Variants in MINAR2 observed in about 807,000 individuals in gnomAD.
MINAR2 encodes membrane integral NOTCH2 associated receptor 2, also known as major intrinsically disordered NOTCH2-binding receptor 1-like.
Under a neutral mutation model 16.1 loss-of-function variants are expected in MINAR2, and 21 were observed. That is an observed-to-expected ratio of 1.31 (90% CI 0.93 to 1.88). The LOEUF is 1.88. Ranked by LOEUF, MINAR2 falls within the 40% of genes most tolerant of loss-of-function variation. MINAR2 has a pLI of 0.00. For synonymous variants in MINAR2, 86 were observed against 83.0 expected (o/e 1.04, Z -0.20); for missense variants, 259 against 229.8 (o/e 1.13, Z -0.82).
intron 1 of MINAR2, among the ~76,000 whole-genome samples, chr5:129,754,696 G>T (rs898476856): frequency 6.6e-6 from 1 of 152,064 alleles, no homozygotes; most frequent in East Asian, 1.9e-4. Context: ...TTATAATAGA[G>T]CATTACTCAT....
At chr5:129,749,386 T>A (rs1012704836) in intron 1 of MINAR2, among the ~76,000 whole-genome samples, 7 of 152,164 alleles carry the variant, frequency 4.6e-5, no homozygotes, top group Admixed American at 2.6e-4. Context: ...CAAAATCAAG[T>A]ACACTCAAAT....
intron 1 of MINAR2, among the ~76,000 whole-genome samples, chr5:129,750,656 T>G (rs1757974942): frequency 6.6e-6 from 1 of 152,130 alleles, no homozygotes; most frequent in Non-Finnish European, 1.5e-5. Flanking sequence ...AGAATATGTA[T>G]GGAAGTATGT....
At chr5:129,760,707 G>A (rs550435891) in intron 2 of MINAR2, 102 bp downstream of exon 2, 204 of 842,058 alleles carry the variant, frequency 2.4e-4, no homozygotes, top group South Asian at 1.3e-3. Flanking sequence ...TTCACTAGGC[G>A]CAGAATCTCT....
intron 1 of MINAR2, among the ~76,000 whole-genome samples, chr5:129,757,588 T>C (rs1430917953): frequency 6.6e-6 from 1 of 152,032 alleles, no homozygotes; most frequent in African/African-American, 2.4e-5. Flanking sequence ...GTATTCTTTT[T>C]TTGTAGTCTT....
intron 1 of MINAR2, among the ~76,000 whole-genome samples, chr5:129,755,655 G>A (rs1319665096): frequency 6.6e-6 from 1 of 151,922 alleles, no homozygotes; most frequent in Admixed American, 6.6e-5. Context: ...TGTGTCTCTT[G>A]TCAAGTCCCC....
At chr5:129,761,845 A>G (rs67578024) in intron 2 of MINAR2, among the ~76,000 whole-genome samples, 12,807 of 152,192 alleles carry the variant, frequency 0.084, 1,086 homozygotes, top group African/African-American at 0.22. Flanking sequence ...ACCCTCAAAA[A>G]GTTGATCTAA....
At chr5:129,752,802 G>C (rs946259795) in intron 1 of MINAR2, among the ~76,000 whole-genome samples, 3 of 150,922 alleles carry the variant, frequency 2.0e-5, no homozygotes, top group African/African-American at 7.3e-5. Flanking sequence ...CATTTATTGT[G>C]GTGGGCCTTA....
At chr5:129,757,347 A>C (rs1000117237) in intron 1 of MINAR2, among the ~76,000 whole-genome samples, 5 of 151,990 alleles carry the variant, frequency 3.3e-5, no homozygotes, top group Non-Finnish European at 5.9e-5. Flanking sequence ...AGTCAGTCAC[A>C]ACACCCAGTT....
intron 1 of MINAR2, among the ~76,000 whole-genome samples, chr5:129,758,562 A>G (rs1475809515): frequency 6.6e-6 from 1 of 152,022 alleles, no homozygotes; most frequent in Non-Finnish European, 1.5e-5. Flanking sequence ...TTCTAAGTCT[A>G]TATACATTGT....
Position 129,751,540 on chromosome 5 carries a change from T to C in MINAR2, c.165+3185T>C, listed in dbSNP as rs558891247. 5.9e-5 allele frequency among the ~76,000 whole-genome samples: 9 copies of C among 152,296 alleles called. No homozygotes were observed. In the South Asian group the frequency reaches 6.2e-4, roughly 11 times the overall value. ...GGAAAATAAGCAGTGATGGTCTCAG[T>C]TGATTCAGTAACCAGGGACATTGTA... On this transcript the variant is annotated intron_variant, in intron 1 of 2. Coordinates refer to ENST00000564719, the MANE Select transcript of MINAR2 (RefSeq NM_001257308.2).
intron 1 of MINAR2, among the ~76,000 whole-genome samples, chr5:129,749,449 A>G (rs973037531): frequency 6.6e-6 from 1 of 152,152 alleles, no homozygotes; most frequent in East Asian, 1.9e-4. Context: ...TTTCCATTGT[A>G]AGGCAGCCTA....
chr5:129,748,293 G>GT lies in MINAR2; in HGVS notation c.104dup (p.Arg36GlufsTer32), dbSNP rs1272683710. ...CTCAGCCCTCCTTCAGGCCAGCCTG[G>GT]TGAGGTTTCCGGGTGGAAATTATCC... On this transcript the variant is annotated frameshift_variant, in exon 1 of 3. Transcript: ENST00000564719. LOFTEE classifies it high-confidence loss of function. 4 of 1,535,242 alleles carry GT rather than the reference G, an allele frequency of 2.6e-6. No homozygotes were observed. The East Asian group carries it at 9.8e-5, about 38-fold the overall frequency.
chr5:129,757,724 T>C lies in MINAR2; in HGVS notation c.166-2654T>C, dbSNP rs145589991. 1.4e-3 allele frequency among the ~76,000 whole-genome samples: 215 copies of C among 152,086 alleles called. 1 individual carries two copies. In the East Asian group the frequency reaches 0.038, roughly 27 times the overall value. The stretch of plus-strand genomic sequence containing the variant: ...GAAATTATTTCTTAAAATTTTCTAA[T>C]AAAAAATGTGTGTTAAACTTACTAT... On this transcript the variant is annotated intron_variant, in intron 1 of 2. Coordinates refer to ENST00000564719, the MANE Select transcript of MINAR2 (RefSeq NM_001257308.2).
chr5:129,748,444 A>G, intron 1 of MINAR2, 89 bp downstream of exon 1: 1 of 1,356,334 alleles, frequency 7.4e-7, no homozygotes, highest in Non-Finnish European at 9.9e-7. Flanking sequence ...CAAGAAGCCT[A>G]TAGGAACAGA....
chr5:129,760,717 T>C (rs1171100757), intron 2 of MINAR2, 112 bp downstream of exon 2: 1 of 779,042 alleles, frequency 1.3e-6, no homozygotes, highest in African/African-American at 1.8e-5. Context: ...GCAGAATCTC[T>C]AGATTTCAGA....
rs1027405344 is a variant in MINAR2, at chr5:129,756,949, A to C, written c.166-3429A>C. Among the ~76,000 whole-genome samples the C allele has an allele frequency of 2.0e-5, 3 of 148,602 alleles. No individual in the cohort carries two copies. In the East Asian group the frequency reaches 5.8e-4, roughly 29 times the overall value. The stretch of plus-strand genomic sequence containing the variant: ...CTTTCCACAGTAAAAAAAAAAAAAA[A>C]AAAAAAAAACACACACACACAAACA... On this transcript the variant is annotated intron_variant, in intron 1 of 2. Coordinates refer to ENST00000564719, the MANE Select transcript of MINAR2 (RefSeq NM_001257308.2).
rs937423574 is a variant in MINAR2, at chr5:129,765,888, G to T, written c.*825G>T. ...AGAGTTTGAAGCCTAACTGCTACTT[G>T]CTAACAGACTCTGGCAAGTTATTCT... On this transcript the variant is annotated 3_prime_UTR_variant, in exon 3 of 3. Transcript: ENST00000564719. The T allele has an allele frequency of 1.3e-5, 2 of 152,160 alleles. No homozygotes were observed. Among genetic ancestry groups the T allele is most frequent in the African/African-American group, 4.8e-5 (2 of 41,456 alleles). 9.4% of individuals were successfully genotyped at this position (152,160 alleles called of 1,614,324 possible). A position where few individuals can be genotyped will look rare whatever the true frequency, so the allele number is the denominator to read the frequency against.
At chr5:129,762,866 T>G (rs908023893) in intron 2 of MINAR2, among the ~76,000 whole-genome samples, 2 of 152,114 alleles carry the variant, frequency 1.3e-5, no homozygotes, top group Non-Finnish European at 2.9e-5. Context: ...ATGTATAGAA[T>G]TCCCAAAGGT....
intron 1 of MINAR2, among the ~76,000 whole-genome samples, chr5:129,753,480 CAA>C (rs758914420): frequency 7.7e-4 from 78 of 100,782 alleles, no homozygotes; most frequent in African/African-American, 3.1e-3. Context: ...AAGACTGTCT[CAA>C]AAAAAAAAAA....
Sources: allele counts gnomAD v4.1 joint callset (sites outside exome capture counted in the v4.1 genomes callset), GRCh38; gene constraint gnomAD v4.1.1; transcripts MANE v1.5; gene names NCBI Gene and HGNC (gene_info 2026-07-23, HGNC 2026-07-21).